The following OSBPL1A variants were observed in gnomAD, a reference collection of about 807,000 sequenced individuals.
OSBPL1A encodes the protein oxysterol binding protein like 1A, also known as oxysterol-binding protein-related protein 1.
Under a neutral mutation model 137.1 loss-of-function variants are expected in OSBPL1A, and 80 were observed. The observed-to-expected ratio is 0.58, with a 90% CI of 0.49 to 0.70. The LOEUF is 0.70. Ranked by LOEUF, OSBPL1A falls within the 30% of genes least tolerant of loss-of-function variation. The pLI is 0.00. For missense variants in OSBPL1A, 970 were observed against 1,129.4 expected (o/e 0.86, Z 2.02); for synonymous variants, 365 against 389.7 (o/e 0.94, Z 0.75).
chr18:24,194,312 C>T (rs754875529), intron 18 of OSBPL1A, among the ~76,000 whole-genome samples: 6 of 152,032 alleles, frequency 3.9e-5, no homozygotes, highest in East Asian at 1.9e-4. Flanking sequence ...ATAAATGTAA[C>T]GAGCTGGAAT....
At position 24,290,591 on chromosome 18, in the gene OSBPL1A, G is replaced by A. The variant is rs191119705; in HGVS notation, c.1175-9643C>T. 8.5e-5 allele frequency among the ~76,000 whole-genome samples: 13 copies of A among 152,312 alleles called. No homozygotes were observed. In the East Asian group the frequency reaches 2.3e-3, roughly 27 times the overall value. On this transcript the variant is annotated intron_variant, in intron 14 of 27. Coordinates refer to ENST00000319481, the MANE Select transcript of OSBPL1A (RefSeq NM_080597.4). ...CCAGCTAATTGGGAGGCTGAGACAG[G>A]AGAATCGCTTGAACCCGGCAGGCGG...
intron 14 of OSBPL1A, among the ~76,000 whole-genome samples, chr18:24,281,958 C>T (rs948716764): frequency 6.6e-6 from 1 of 152,076 alleles, no homozygotes; most frequent in South Asian, 2.1e-4. Context: ...CACGAGAGCA[C>T]GAACCCTATT....
chr18:24,173,446 T>C (rs2086345340), intron 21 of OSBPL1A, among the ~76,000 whole-genome samples: 1 of 152,222 alleles, frequency 6.6e-6, no homozygotes, highest in Non-Finnish European at 1.5e-5. Context: ...AGAGTCTCGC[T>C]GTGTCACCCA....
In OSBPL1A at chr18:24,271,458, G is replaced by A; in HGVS notation, c.1281+9384C>T. 1.4e-6 allele frequency: 1 copy of A among 735,622 alleles called. No homozygotes were observed. Among genetic ancestry groups the A allele is most frequent in the African/African-American group, 1.9e-5 (1 of 52,496 alleles). The allele number at this position is 735,622 out of a possible 1,614,324, so 45.6% of individuals were successfully genotyped here. A position where few individuals can be genotyped will look rare whatever the true frequency, so the allele number is the denominator to read the frequency against. ...TCCCGGCTGGTGCGCCCCTCCCCACGCGCCCGCGGCTGCACCCCACTCTGC... is the reference window on the plus strand; with the variant it reads ...TCCCGGCTGGTGCGCCCCTCCCCACACGCCCGCGGCTGCACCCCACTCTGC... On this transcript the variant is annotated intron_variant, in intron 15 of 27. Coordinates refer to ENST00000319481, the MANE Select transcript of OSBPL1A (RefSeq NM_080597.4). The surrounding 1 kb of genome is among the most constrained non-coding windows in gnomAD (Gnocchi z 4.0).
chr18:24,250,006 T>G (rs1325770275), intron 15 of OSBPL1A, among the ~76,000 whole-genome samples: 1 of 152,076 alleles, frequency 6.6e-6, no homozygotes, highest in African/African-American at 2.4e-5. Flanking sequence ...GTCTCTTTCC[T>G]TCTGCTTAAG....
At position 24,240,303 on chromosome 18, in the gene OSBPL1A, G is replaced by T. The variant is rs564529848; in HGVS notation, c.1282-921C>A. On this transcript the variant is annotated intron_variant, in intron 15 of 27. Coordinates refer to ENST00000319481, the MANE Select transcript of OSBPL1A (RefSeq NM_080597.4). ...ACTTAGTATACTAAAAAAGTCAAAA[G>T]ATTATCAAAAAGGCAAAGCCTGGTT... 1.6e-4 allele frequency among the ~76,000 whole-genome samples: 25 copies of T among 152,228 alleles called. 1 individual carries two copies. Among genetic ancestry groups the T allele is most frequent in the African/African-American group, 5.1e-4 (21 of 41,536 alleles).
intron 26 of OSBPL1A, among the ~76,000 whole-genome samples, chr18:24,166,202 C>G (rs947584976): frequency 6.6e-6 from 1 of 152,192 alleles, no homozygotes; most frequent in Non-Finnish European, 1.5e-5. Context: ...TATACACCTA[C>G]TTATACCAAC....
At chr18:24,376,229 T>C (rs377071433) in intron 2 of OSBPL1A, among the ~76,000 whole-genome samples, 43 of 152,286 alleles carry the variant, frequency 2.8e-4, no homozygotes, top group African/African-American at 1.0e-3. Context: ...AGGGTGCTGA[T>C]TGGTACCTTT....
intron 17 of OSBPL1A, among the ~76,000 whole-genome samples, chr18:24,201,753 A>T (rs940720955): frequency 2.6e-5 from 4 of 151,850 alleles, no homozygotes; most frequent in African/African-American, 9.7e-5. Context: ...ACAGACCAAG[A>T]GTCCATTAAA....
intron 17 of OSBPL1A, among the ~76,000 whole-genome samples, chr18:24,220,366 T>A (rs1400159172): frequency 6.6e-6 from 1 of 152,206 alleles, no homozygotes; most frequent in African/African-American, 2.4e-5. Flanking sequence ...GTGAAAGAGG[T>A]GGGCTTCACA....
intron 15 of OSBPL1A, among the ~76,000 whole-genome samples, chr18:24,257,839 CA>C (rs1374894722): frequency 1.3e-5 from 2 of 152,102 alleles, no homozygotes; most frequent in African/African-American, 2.4e-5. Flanking sequence ...AGATATTTCT[CA>C]AAAGACATAC....
chr18:24,190,408 T>C (rs1468492564), intron 18 of OSBPL1A, among the ~76,000 whole-genome samples: 1 of 140,770 alleles, frequency 7.1e-6, no homozygotes, highest in Non-Finnish European at 1.5e-5. Context: ...AATCTTGGCA[T>C]AGTATTTATA....
chr18:24,272,115 C>T, intron 15 of OSBPL1A: 1 of 983,644 alleles, frequency 1.0e-6, no homozygotes, highest in Non-Finnish European at 1.2e-6. Context: ...GCCTGCACGG[C>T]CCTCCGAGGA....
intron 14 of OSBPL1A, among the ~76,000 whole-genome samples, chr18:24,296,370 T>C (rs757456046): frequency 3.3e-5 from 5 of 152,310 alleles, no homozygotes; most frequent in African/African-American, 7.2e-5. Context: ...TGAGACTTTA[T>C]TGAATTTGTT....
At chr18:24,307,676 T>C (rs1478039218) in intron 13 of OSBPL1A, among the ~76,000 whole-genome samples, 1 of 152,268 alleles carries the variant, frequency 6.6e-6, no homozygotes, top group Non-Finnish European at 1.5e-5. Flanking sequence ...TATATCAGCA[T>C]ATATACATCT....
chr18:24,170,288 T>C (rs2086243462), intron 24 of OSBPL1A, 39 bp downstream of exon 24: 2 of 1,611,964 alleles, frequency 1.2e-6, no homozygotes, highest in Admixed American at 1.7e-5. Flanking sequence ...CATTGAAGAA[T>C]CCAGTTATTC....
At position 24,358,183 on chromosome 18, in the gene OSBPL1A, A is replaced by G. The variant is rs905450482; in HGVS notation, c.282+8709T>C. Reference sequence around the variant, plus strand: ...ATTTTTATGGTAAATGGACAAGGGCAGCAACTCCAGCCTAAGAAGGGCATG... The same window carrying G: ...ATTTTTATGGTAAATGGACAAGGGCGGCAACTCCAGCCTAAGAAGGGCATG... On this transcript the variant is annotated intron_variant, in intron 4 of 27. Transcript: ENST00000319481. 7.6e-5 allele frequency: 35 copies of G among 460,074 alleles called. No homozygotes were observed. The Admixed American group carries it at 1.3e-3, about 18-fold the overall frequency. The allele number at this position is 460,074 out of a possible 1,614,324, so 28.5% of individuals were successfully genotyped here.
intron 15 of OSBPL1A, among the ~76,000 whole-genome samples, chr18:24,266,073 G>A (rs1020548060): frequency 1.3e-5 from 2 of 152,208 alleles, no homozygotes; most frequent in Admixed American, 6.5e-5. Flanking sequence ...AAGGGTCTGC[G>A]TTAACGACTC....
At chr18:24,179,669 G>T in intron 20 of OSBPL1A, 69 bp downstream of exon 20, 2 of 1,284,752 alleles carry the variant, frequency 1.6e-6, no homozygotes, top group South Asian at 2.4e-5. Context: ...TATTCGTGAT[G>T]ACCAATATGT....
Sources: gnomAD v4.1 joint callset for allele counts (sites outside exome capture counted in the v4.1 genomes callset) on GRCh38, gnomAD v4.1.1 for gene constraint, Gnocchi (gnomAD v3.1) non-coding constraint, MANE v1.5 for transcripts, NCBI Gene and HGNC (gene_info 2026-07-23, HGNC 2026-07-21) for gene names.